Variants in RNF8 observed in about 807,000 individuals in gnomAD.
RNF8 encodes the protein E3 ubiquitin-protein ligase RNF8.
A neutral mutation model predicts 59.3 loss-of-function variants in RNF8; 8 were observed. The ratio of observed to expected loss-of-function variants is 0.13; its 90% CI spans 0.08 to 0.24. The LOEUF (loss-of-function observed/expected upper bound fraction) is 0.24, where lower values mean the gene tolerates loss of function less well. Among genes scored for constraint, RNF8 ranks in the 10% least tolerant of loss-of-function variants. The pLI is 1.00. For missense variants in RNF8, 406 were observed against 572.6 expected, an observed-to-expected ratio of 0.71 and a Z score of 2.97; for synonymous variants, 162 against 200.0, an observed-to-expected ratio of 0.81 and a Z score of 1.60.
chr6:37,376,546 G>C (rs35409514), intron 5 of RNF8, among the ~76,000 whole-genome samples: 7,386 of 152,156 alleles, frequency 0.049, 226 homozygotes, highest in Admixed American at 0.095. Context: ...GGGCAAATGA[G>C]CTCTCCTTGG....
Position 37,393,306 on chromosome 6 carries a change from A to C in RNF8, c.*2548A>C, listed in dbSNP as rs1235069717. On this transcript the variant is annotated 3_prime_UTR_variant, in exon 8 of 8. Coordinates refer to ENST00000373479, the MANE Select transcript of RNF8 (RefSeq NM_003958.4). ...ATCTGTCATTATTGCCCTGATCACA[A>C]ACAAAAGCCTGAATGTACTATGTTT... The C allele has an allele frequency of 1.3e-5, 2 of 152,124 alleles. No homozygotes were observed. The highest frequency in any genetic ancestry group is 2.9e-5 in the Non-Finnish European group (2 of 68,050). 9.4% of individuals were successfully genotyped at this position (152,124 alleles called of 1,614,324 possible).
intron 2 of RNF8, among the ~76,000 whole-genome samples, chr6:37,366,831 A>G (rs1162480576): frequency 6.6e-6 from 1 of 152,220 alleles, no homozygotes; most frequent in Non-Finnish European, 1.5e-5. Context: ...TACGGGTTAA[A>G]ATGCTCACCA....
intron 7 of RNF8, among the ~76,000 whole-genome samples, chr6:37,385,600 C>T (rs549267481): frequency 2.9e-3 from 448 of 151,928 alleles, no homozygotes; most frequent in Non-Finnish European, 3.8e-3. Flanking sequence ...GCACTCCAGC[C>T]TGGGCAGAGT....
chr6:37,388,663 C>T (rs1205497708), intron 7 of RNF8, among the ~76,000 whole-genome samples: 1 of 151,684 alleles, frequency 6.6e-6, no homozygotes, highest in African/African-American at 2.4e-5. Flanking sequence ...GTGGGGCAGG[C>T]AGAGCTGGCA....
Position 37,381,159 on chromosome 6 carries a change from T to A in RNF8, c.1246T>A (p.Leu416Met), listed in dbSNP as rs1242370596. The change falls in exon 7 of 8, where the codon TTG (leucine) becomes ATG (methionine). Residue 416 changes from leucine (L) to methionine (M), a missense_variant. By Grantham distance (15) the Leu-to-Met change is conservative (BLOSUM62 2). Coordinates refer to ENST00000373479, the MANE Select transcript of RNF8 (RefSeq NM_003958.4). Reference protein sequence around the residue: ...CSEYFIEAVTLNCAHSFCSYC... With the variant: ...CSEYFIEAVTMNCAHSFCSYC... ...CACATTCCTACTGTAGGCTGTCACC[T>A]TGAACTGTGCCCACAGTTTCTGCTC... 6.2e-7 allele frequency: 1 copy of A among 1,613,720 alleles called. No individual in the cohort carries two copies. The highest frequency in any genetic ancestry group is 8.5e-7 in the Non-Finnish European group (1 of 1,179,586).
chr6:37,368,541 A>T lies in RNF8; in HGVS notation c.298A>T (p.Ile100Phe). Reference protein sequence around the residue: ...ARLEPLRVYSIHQGDYIQLGV... With the variant: ...ARLEPLRVYSFHQGDYIQLGV... ...TCTGGAACCTTTAAGGGTCTATTCC[A>T]TTCATCAGGGAGACTACATCCAACT... is the stretch of plus-strand genomic sequence containing the variant. The change falls in exon 3 of 8, where the codon ATT becomes TTT. Residue 100 changes from isoleucine to phenylalanine, a missense_variant. Transcript: ENST00000373479. The T allele has an allele frequency of 6.2e-7, 1 of 1,614,168 alleles. No homozygotes were observed. The highest frequency in any genetic ancestry group is 1.1e-5 in the South Asian group (1 of 91,080).
chr6:37,355,457 C>G (rs1229100624), intron 1 of RNF8, among the ~76,000 whole-genome samples: 3 of 152,078 alleles, frequency 2.0e-5, no homozygotes, highest in Non-Finnish European at 4.4e-5. Flanking sequence ...AAAATTTCTG[C>G]GCTCGAAGAG....
intron 1 of RNF8, among the ~76,000 whole-genome samples, chr6:37,356,582 A>G (rs1769123237): frequency 6.6e-6 from 1 of 152,246 alleles, no homozygotes; most frequent in African/African-American, 2.4e-5. Context: ...GTAGAGATTT[A>G]TTGCAAATTA....
At chr6:37,390,306 A>G (rs1312541134) in intron 7 of RNF8, among the ~76,000 whole-genome samples, 2 of 152,212 alleles carry the variant, frequency 1.3e-5, no homozygotes, top group Non-Finnish European at 2.9e-5. Flanking sequence ...AGCCTTGGCA[A>G]TTCTTGATAG....
At chr6:37,370,630 A>G (rs952228823) in intron 3 of RNF8, among the ~76,000 whole-genome samples, 7 of 151,092 alleles carry the variant, frequency 4.6e-5, no homozygotes, top group Non-Finnish European at 7.4e-5. Context: ...CCCTCTGCCC[A>G]CCAAGCCCTG....
At chr6:37,369,714 G>A (rs1222570094) in intron 3 of RNF8, 1 of 154,164 alleles carries the variant, frequency 6.5e-6, no homozygotes, top group East Asian at 1.9e-4. Flanking sequence ...AGCTATAAAG[G>A]TTAGTTAACT....
chr6:37,368,227 C>A, intron 2 of RNF8: 1 of 618,506 alleles, frequency 1.6e-6, no homozygotes, highest in Non-Finnish European at 2.6e-6. Context: ...GTAAATTATC[C>A]ACCAATAATA....
chr6:37,359,374 T>C (rs1053968625), intron 1 of RNF8: 8 of 265,892 alleles, frequency 3.0e-5, no homozygotes, highest in African/African-American at 1.8e-4. Flanking sequence ...TAATGTTTAC[T>C]AGGTTTTCCT....
chr6:37,354,715 C>A (rs1249126534), intron 1 of RNF8, among the ~76,000 whole-genome samples: 1 of 104,342 alleles, frequency 9.6e-6, no homozygotes, highest in African/African-American at 3.8e-5. Context: ...GCGGGGGTGT[C>A]GAGGAGGGGA....
At chr6:37,390,064 G>A (rs966603449) in intron 7 of RNF8, among the ~76,000 whole-genome samples, 2 of 152,216 alleles carry the variant, frequency 1.3e-5, no homozygotes, top group Non-Finnish European at 2.9e-5. Context: ...TAAGTAAACA[G>A]CCTTTCTTGT....
chr6:37,367,364 A>G (rs935227730), intron 2 of RNF8, among the ~76,000 whole-genome samples: 1 of 152,168 alleles, frequency 6.6e-6, no homozygotes, highest in African/African-American at 2.4e-5. Flanking sequence ...CTTAACCTCA[A>G]TACTATGACT....
Position 37,381,440 on chromosome 6 carries a change from T to G in RNF8, c.1441+86T>G, listed in dbSNP as rs111317265. The G allele has an allele frequency of 2.5e-6, 3 of 1,215,186 alleles. No homozygotes were observed. In the Admixed American group the frequency reaches 5.9e-5, roughly 24 times the overall value. The allele number at this position is 1,215,186 out of a possible 1,614,324, so 75.3% of individuals were successfully genotyped here. On this transcript the variant is annotated intron_variant, in intron 7 of 7. Transcript: ENST00000373479. ...CAAATATTTTTGGAAAGAGAAAGAG[T>G]CAGATAAACAATTCTTGAACTAGGG...
intron 2 of RNF8, chr6:37,361,411 CATCAACAAAGGG>C (rs1390873032): frequency 2.2e-6 from 1 of 454,466 alleles, no homozygotes; most frequent in Non-Finnish European, 4.4e-6. Context: ...CTGCTGTGCT[CATCAACAAAGGG>C]ATTGCACCTG....
chr6:37,365,856 T>C (rs991138612), intron 2 of RNF8, among the ~76,000 whole-genome samples: 1 of 152,234 alleles, frequency 6.6e-6, no homozygotes, highest in Admixed American at 6.5e-5. Flanking sequence ...ACTTGATTGT[T>C]CTGTACCGCC....
Sources: allele counts gnomAD v4.1 joint callset (sites outside exome capture counted in the v4.1 genomes callset), GRCh38; gene constraint gnomAD v4.1.1; transcripts MANE v1.5; gene names NCBI Gene and HGNC (gene_info 2026-07-23, HGNC 2026-07-21).